The following FABP6 variants were observed in gnomAD, a reference collection of about 807,000 sequenced individuals.
FABP6 encodes gastrotropin.
In FABP6, 13 loss-of-function variants were observed where a neutral mutation model predicts 14.9. The observed-to-expected ratio is 0.87, with a 90% CI of 0.57 to 1.39. The LOEUF (loss-of-function observed/expected upper bound fraction) is 1.39, where lower values mean the gene tolerates loss of function less well. FABP6 is among the 40% of genes most tolerant of loss of function. FABP6 has a pLI of 0.00. For missense variants in FABP6, 161 were observed against 167.2 expected, an observed-to-expected ratio of 0.96 and a Z score of 0.20; for synonymous variants, 75 against 63.6, an observed-to-expected ratio of 1.18 and a Z score of -0.85.
chr5:160,218,922 C>T (rs1760074549), intron 3 of FABP6, among the ~76,000 whole-genome samples: 1 of 152,134 alleles, frequency 6.6e-6, no homozygotes, highest in Non-Finnish European at 1.5e-5. Flanking sequence ...CCATGCCTAG[C>T]TAATTGTTTT....
chr5:160,220,688 G>T (rs1334653734), intron 3 of FABP6, among the ~76,000 whole-genome samples: 1 of 151,968 alleles, frequency 6.6e-6, no homozygotes, highest in East Asian at 1.9e-4. Flanking sequence ...TCAGGAAGTG[G>T]TCGGGTAATG....
upstream of FABP6, among the ~76,000 whole-genome samples, chr5:160,227,769 G>A (rs1760280398): frequency 6.6e-6 from 1 of 150,768 alleles, no homozygotes; most frequent in Admixed American, 6.7e-5. Flanking sequence ...ACTCTCACTT[G>A]CTCTGAATTA....
intron 1 of FABP6, chr5:160,195,782 T>C (rs1759497870): frequency 6.6e-6 from 1 of 152,198 alleles, no homozygotes; most frequent in Non-Finnish European, 1.5e-5. Flanking sequence ...CCATGAAGGT[T>C]CATATTGCAA....
At chr5:160,200,067 G>A (rs539114377) in intron 2 of FABP6, among the ~76,000 whole-genome samples, 3 of 152,326 alleles carry the variant, frequency 2.0e-5, no homozygotes, top group East Asian at 3.9e-4. Context: ...TGAGGCTCCA[G>A]CAGTGAAACT....
At chr5:160,206,454 C>T (rs1759768653) in intron 2 of FABP6, among the ~76,000 whole-genome samples, 1 of 151,892 alleles carries the variant, frequency 6.6e-6, no homozygotes, top group Admixed American at 6.6e-5. Flanking sequence ...CAAAAAAACC[C>T]ACATAATATT....
upstream of FABP6, among the ~76,000 whole-genome samples, chr5:160,227,508 G>A (rs1366511186): frequency 1.0e-4 from 15 of 145,304 alleles, no homozygotes; most frequent in African/African-American, 1.8e-4. Context: ...CCTCGGCAAC[G>A]GAGGGAGACT....
chr5:160,207,098 C>A (rs896016825), intron 2 of FABP6, among the ~76,000 whole-genome samples: 11 of 152,298 alleles, frequency 7.2e-5, no homozygotes, highest in Non-Finnish European at 1.3e-4. Flanking sequence ...AGGAAAAGTG[C>A]AAAGGCAAAG....
intron 2 of FABP6, among the ~76,000 whole-genome samples, chr5:160,200,343 C>T (rs967589314): frequency 2.6e-5 from 4 of 152,130 alleles, no homozygotes; most frequent in Non-Finnish European, 5.9e-5. Context: ...GGCCCTAGTT[C>T]TTTCTGCCGT....
chr5:160,194,574 AAGAG>A (rs564058075), intron 1 of FABP6, among the ~76,000 whole-genome samples: 147 of 152,192 alleles, frequency 9.7e-4, no homozygotes, highest in African/African-American at 3.1e-3. Flanking sequence ...TAAAAATAAA[AAGAG>A]AGAGAGAGAA....
intron 3 of FABP6, 97 bp downstream of exon 3, chr5:160,235,006 C>A: frequency 2.1e-6 from 2 of 953,290 alleles, no homozygotes; most frequent in Non-Finnish European, 3.2e-6. Flanking sequence ...CTGGCTTTAC[C>A]AGCACTTCCC....
chr5:160,222,485 C>T (rs1028000467), intron 3 of FABP6, among the ~76,000 whole-genome samples: 4 of 152,104 alleles, frequency 2.6e-5, no homozygotes, highest in South Asian at 2.1e-4. Context: ...AGGTGCCCAC[C>T]ACCACACCCG....
At chr5:160,226,662 C>T (rs10213847), upstream of FABP6, among the ~76,000 whole-genome samples, 28,635 of 152,032 alleles carry the variant, frequency 0.19, 2,770 homozygotes, top group Middle Eastern at 0.32. Flanking sequence ...AATAACAGTA[C>T]ATACTTCATA....
chr5:160,224,918 C>T (rs1000471410), upstream of FABP6, among the ~76,000 whole-genome samples: 1 of 151,824 alleles, frequency 6.6e-6, no homozygotes, highest in Non-Finnish European at 1.5e-5. Context: ...GCTGGAAATA[C>T]AGGCACGTGC....
intron 2 of FABP6, among the ~76,000 whole-genome samples, chr5:160,212,287 T>C (rs1295317482): frequency 3.3e-5 from 5 of 152,140 alleles, no homozygotes; most frequent in Admixed American, 3.3e-4. Flanking sequence ...CCCAAGTAGC[T>C]GGGACTACAG....
chr5:160,199,071 G>T (rs1285073935), exon 2 of FABP6: 2 of 1,613,446 alleles, frequency 1.2e-6, no homozygotes, highest in South Asian at 2.2e-5. Context: ...TGGCTCCAGG[G>T]AGCTCACAGG....
chr5:160,203,004 C>T (rs550592746), intron 2 of FABP6, among the ~76,000 whole-genome samples: 7 of 149,806 alleles, frequency 4.7e-5, no homozygotes, highest in Non-Finnish European at 7.4e-5. Context: ...CAGGTTCAAG[C>T]GATTCTCCTG....
intron 1 of FABP6, 120 bp downstream of exon 1, chr5:160,229,744 C>G (rs1760328284): frequency 1.2e-6 from 1 of 813,472 alleles, no homozygotes; most frequent in Non-Finnish European, 2.0e-6. Context: ...CTCACTCATT[C>G]ATTCATTCAC....
chr5:160,236,016 GTT>G (rs370153866), intron 3 of FABP6, among the ~76,000 whole-genome samples: 1 of 126,864 alleles, frequency 7.9e-6, no homozygotes, highest in Admixed American at 8.2e-5. Context: ...TCTCATGTCT[GTT>G]TTTTTTTTTT....
chr5:160,200,729 G>A (rs1254295014), intron 2 of FABP6, among the ~76,000 whole-genome samples: 1 of 152,166 alleles, frequency 6.6e-6, no homozygotes, highest in East Asian at 1.9e-4. Flanking sequence ...TTAGTTTGAG[G>A]AGAGGTCTGT....
Sources: gnomAD v4.1 joint callset for allele counts (sites outside exome capture counted in the v4.1 genomes callset) on GRCh38, gnomAD v4.1.1 for gene constraint, MANE v1.5 for transcripts, NCBI Gene and HGNC (gene_info 2026-07-23, HGNC 2026-07-21) for gene names.